FRY: variants seen among roughly 807,000 people sequenced by gnomAD.
The protein encoded by FRY is FRY microtubule binding protein.
In FRY, 128 loss-of-function variants were observed where a neutral mutation model predicts 348.4. The observed-to-expected ratio is 0.37, with a 90% CI of 0.32 to 0.43. FRY has a LOEUF of 0.43. Ranked by LOEUF, FRY falls within the 20% of genes least tolerant of loss-of-function variation. The pLI is 1.00. For synonymous variants in FRY, 1,370 were observed against 1,374.7 expected (o/e 1.00, Z 0.08); for missense variants, 2,736 against 3,695.2 (o/e 0.74, Z 6.73).
chr13:32,268,989 A>G (rs1358440548), intron 55 of FRY, among the ~76,000 whole-genome samples: 1 of 152,218 alleles, frequency 6.6e-6, no homozygotes, highest in Non-Finnish European at 1.5e-5. Flanking sequence ...TGAATTTTGA[A>G]TGAATGACCA....
intron 32 of FRY, 109 bp downstream of exon 32, chr13:32,209,218 TG>T: frequency 8.1e-7 from 1 of 1,232,120 alleles, no homozygotes; most frequent in Non-Finnish European, 1.2e-6. Flanking sequence ...ATCACATGAC[TG>T]GGGATAAATA....
At position 32,209,355 on chromosome 13, in the gene FRY, A is replaced by T. The variant is rs565622434; in HGVS notation, c.4276-230A>T. On this transcript the variant is annotated intron_variant, in intron 32 of 60. Coordinates refer to ENST00000542859, the MANE Select transcript of FRY (RefSeq NM_023037.3). ...CAATTTTAAGAATGATAATAAAAAT[A>T]AAAATAAGCCTAATATTTAAAAAAC... 3.3e-5 allele frequency among the ~76,000 whole-genome samples: 5 copies of T among 152,342 alleles called. No individual in the cohort carries two copies. The East Asian group carries it at 9.6e-4, about 29-fold the overall frequency.
At chr13:32,168,476 T>C (rs2138202843) in intron 17 of FRY, among the ~76,000 whole-genome samples, 1 of 152,330 alleles carries the variant, frequency 6.6e-6, no homozygotes. Flanking sequence ...AGTTGACACA[T>C]AAAATTCACC....
chr13:32,235,513 A>G (rs1455002466), intron 42 of FRY, among the ~76,000 whole-genome samples: 5 of 152,188 alleles, frequency 3.3e-5, no homozygotes. Flanking sequence ...AATCCGAGCT[A>G]CTCAGGAGGC....
chr13:32,170,694 A>C (rs1882007493), intron 17 of FRY, among the ~76,000 whole-genome samples: 1 of 151,942 alleles, frequency 6.6e-6, no homozygotes, highest in Non-Finnish European at 1.5e-5. Flanking sequence ...GTGCCACCAC[A>C]CCTGGCTAAT....
rs1307619267 is a variant in FRY, at chr13:32,295,895, C to CT, written c.*441dup. 5.9e-6 allele frequency: 1 copy of CT among 169,526 alleles called. No individual in the cohort carries two copies. The highest frequency in any genetic ancestry group is 2.4e-5 in the African/African-American group (1 of 41,692). 10.5% of individuals were successfully genotyped at this position (169,526 alleles called of 1,614,324 possible). On this transcript the variant is annotated 3_prime_UTR_variant, in exon 61 of 61. Transcript: ENST00000542859. ...TCCCTGTCTTGTTCCATTTTCTTTT[C>CT]TTTTTTCTTTTTTCTTTTTCCTTTC...
rs577661118 is a variant in FRY, at chr13:32,251,107, G to A, written c.7171-771G>A. On this transcript the variant is annotated intron_variant, in intron 49 of 60. Transcript: ENST00000542859. Reference sequence around the variant, plus strand: ...CCTAGCAGTTTCCACATAACAAACCGTAAATCAGATTAAAGGGGGGAGAAT... The same window carrying A: ...CCTAGCAGTTTCCACATAACAAACCATAAATCAGATTAAAGGGGGGAGAAT... Among the ~76,000 whole-genome samples, 12 of 152,234 alleles carry A rather than the reference G, an allele frequency of 7.9e-5. No individual in the cohort carries two copies. The South Asian group carries it at 1.7e-3, about 21-fold the overall frequency.
rs1884556024 is a variant in FRY, at chr13:32,209,500, T to A, written c.4276-85T>A. 2.3e-5 allele frequency: 30 copies of A among 1,308,316 alleles called. 1 individual carries two copies. The South Asian group carries it at 2.7e-4, about 12-fold the overall frequency. The allele number at this position is 1,308,316 out of a possible 1,614,324, so 81.0% of individuals were successfully genotyped here. On this transcript the variant is annotated intron_variant, in intron 32 of 60. Coordinates refer to ENST00000542859, the MANE Select transcript of FRY (RefSeq NM_023037.3). Reference sequence around the variant, plus strand: ...CCTTCTTATGATTTTGAGACGGTCATGACCCTCAAAACTACTTTCAGTCAA... The same window carrying A: ...CCTTCTTATGATTTTGAGACGGTCAAGACCCTCAAAACTACTTTCAGTCAA...
At chr13:32,293,412 T>C (rs189867360) in intron 59 of FRY, among the ~76,000 whole-genome samples, 5 of 152,290 alleles carry the variant, frequency 3.3e-5, no homozygotes, top group Admixed American at 2.0e-4. Flanking sequence ...GAAAAAATAA[T>C]CCTTCAAGGC....
chr13:32,253,790 C>T (rs1438756465), intron 50 of FRY, among the ~76,000 whole-genome samples: 1 of 152,186 alleles, frequency 6.6e-6, no homozygotes, highest in African/African-American at 2.4e-5. Flanking sequence ...TTTGTTCCCA[C>T]ATTCATTCTA....
Position 32,170,996 on chromosome 13 carries a change from T to C in FRY, c.1893-16T>C. The C allele has an allele frequency of 6.3e-7, 1 of 1,579,484 alleles. No individual in the cohort carries two copies. The highest frequency in any genetic ancestry group is 8.7e-7 in the Non-Finnish European group (1 of 1,148,392). Reference sequence around the variant, plus strand: ...AATAAAGTAAATGATTTTATTTTCCTTTATTCGTTTCACAGGCTCTCTATT... The same window carrying C: ...AATAAAGTAAATGATTTTATTTTCCCTTATTCGTTTCACAGGCTCTCTATT... On this transcript the variant is annotated splice_polypyrimidine_tract_variant and intron_variant, in intron 17 of 60. Transcript: ENST00000542859.
At chr13:32,183,360 G>A (rs1387470684) in intron 24 of FRY, among the ~76,000 whole-genome samples, 3 of 152,178 alleles carry the variant, frequency 2.0e-5, no homozygotes, top group Non-Finnish European at 4.4e-5. Flanking sequence ...TTCACAAGGA[G>A]TTGAATGGCC....
At chr13:32,204,520 A>G (rs772302882) in intron 31 of FRY, among the ~76,000 whole-genome samples, 11 of 152,124 alleles carry the variant, frequency 7.2e-5, no homozygotes, top group Non-Finnish European at 1.2e-4. Flanking sequence ...AGAATCCTCT[A>G]CTCCAGTCCT....
At chr13:32,265,334 C>T in intron 53 of FRY, 116 bp from the exon 54 acceptor site, 1 of 974,474 alleles carries the variant, frequency 1.0e-6, no homozygotes, top group Non-Finnish European at 1.6e-6. Context: ...AAACAAATGT[C>T]CCCATTTCTA....
At chr13:32,126,625 C>T (rs1210227371) in intron 7 of FRY, among the ~76,000 whole-genome samples, 1 of 152,220 alleles carries the variant, frequency 6.6e-6, no homozygotes, top group Non-Finnish European at 1.5e-5. Flanking sequence ...GCAGTAAACA[C>T]AGACTCCAAT....
chr13:32,145,358 A>C (rs1460899176), intron 11 of FRY, among the ~76,000 whole-genome samples: 1 of 152,132 alleles, frequency 6.6e-6, no homozygotes, highest in Non-Finnish European at 1.5e-5. Flanking sequence ...TGGGAGCCTG[A>C]GCTATAGCAA....
At chr13:32,114,995 T>C (rs1408105688) in intron 3 of FRY, among the ~76,000 whole-genome samples, 3 of 152,214 alleles carry the variant, frequency 2.0e-5, no homozygotes, top group Non-Finnish European at 4.4e-5. Context: ...TTATGCTGAC[T>C]AGGTTAACAG....
rs1025868867 is a variant in FRY, at chr13:32,099,182, G to A, written c.271-2781G>A. On this transcript the variant is annotated intron_variant, in intron 2 of 60. Coordinates refer to ENST00000542859, the MANE Select transcript of FRY (RefSeq NM_023037.3). ...GCCAAAGTAAAACTTAATATTTTTTGATATATAACTTTTGCATTGTTTCTA... is the reference window on the plus strand; with the variant it reads ...GCCAAAGTAAAACTTAATATTTTTTAATATATAACTTTTGCATTGTTTCTA... Among the ~76,000 whole-genome samples the A allele has an allele frequency of 2.6e-5, 4 of 151,956 alleles. 1 individual carries two copies. The highest frequency in any genetic ancestry group is 6.8e-3 in the Middle Eastern group (2 of 294).
At chr13:32,138,186 C>T (rs1879841210) in intron 11 of FRY, among the ~76,000 whole-genome samples, 1 of 150,916 alleles carries the variant, frequency 6.6e-6, no homozygotes, top group South Asian at 2.1e-4. Flanking sequence ...TAACATGTAG[C>T]CTAGTGTCAT....
Sources: gnomAD v4.1 joint callset for allele counts (sites outside exome capture counted in the v4.1 genomes callset) on GRCh38, gnomAD v4.1.1 for gene constraint, MANE v1.5 for transcripts, NCBI Gene and HGNC (gene_info 2026-07-23, HGNC 2026-07-21) for gene names.